UHRF2: variants seen among roughly 807,000 people sequenced by gnomAD.
UHRF2 encodes E3 ubiquitin-protein ligase UHRF2.
A neutral mutation model predicts 96.8 loss-of-function variants in UHRF2; 23 were observed. The observed-to-expected ratio is 0.24, with a 90% CI of 0.17 to 0.34. The LOEUF (loss-of-function observed/expected upper bound fraction) is 0.34. UHRF2 is among the 10% of genes least tolerant of loss of function. UHRF2 has a pLI of 1.00. For missense variants in UHRF2, 685 were observed against 981.5 expected, an observed-to-expected ratio of 0.70 and a Z score of 4.04; for synonymous variants, 385 against 332.6, an observed-to-expected ratio of 1.16 and a Z score of -1.72.
At chr9:6,447,388 TCC>T in intron 3 of UHRF2, among the ~76,000 whole-genome samples, 1 of 152,160 alleles carries the variant, frequency 6.6e-6, no homozygotes, top group Non-Finnish European at 1.5e-5. Flanking sequence ...TGGTACTTGC[TCC>T]TCAGTGAAAA....
chr9:6,460,926 T>C (rs149672201), intron 4 of UHRF2, 135 bp downstream of exon 4: 20 of 655,192 alleles, frequency 3.1e-5, no homozygotes, highest in Non-Finnish European at 4.0e-5. Flanking sequence ...TGAAGGAGAA[T>C]ATTTTTATAA....
In UHRF2 at chr9:6,448,760, G is replaced by T. The variant is rs542609051; in HGVS notation, c.645-11813G>T. On this transcript the variant is annotated intron_variant, in intron 3 of 15. Coordinates refer to ENST00000276893, the MANE Select transcript of UHRF2 (RefSeq NM_152896.3). The stretch of plus-strand genomic sequence containing the variant: ...AGTTTTCGCCTCTTGAGTAACAGGA[G>T]TTAAGAATGTGGTAGGTTGTGGCAG... 2.0e-4 allele frequency among the ~76,000 whole-genome samples: 31 copies of T among 152,334 alleles called. 1 individual carries two copies. In the South Asian group the frequency reaches 5.8e-3, roughly 28 times the overall value.
chr9:6,428,533 C>CTTTTTTTTTTTTTTTTTTTTTT (rs1171172143), intron 2 of UHRF2, among the ~76,000 whole-genome samples: 6 of 65,358 alleles, frequency 9.2e-5, no homozygotes, highest in South Asian at 6.9e-4. Flanking sequence ...ATTGCTTTTG[C>CTTTTTTTTTTTTTTTTTTTTTT]TTTTTTTTTT....
intron 2 of UHRF2, among the ~76,000 whole-genome samples, chr9:6,429,445 T>C (rs576894551): frequency 9.8e-5 from 15 of 152,290 alleles, no homozygotes; most frequent in Admixed American, 2.6e-4. Flanking sequence ...GACAGAGTCT[T>C]GCACTGTCAT....
intron 4 of UHRF2, among the ~76,000 whole-genome samples, chr9:6,465,304 G>C (rs1188913705): frequency 6.6e-6 from 1 of 152,118 alleles, no homozygotes; most frequent in East Asian, 1.9e-4. Flanking sequence ...TCCTATCTCA[G>C]TGTCCTTCAC....
At chr9:6,445,612 C>A (rs1443218433) in intron 3 of UHRF2, among the ~76,000 whole-genome samples, 4 of 152,172 alleles carry the variant, frequency 2.6e-5, no homozygotes, top group East Asian at 1.9e-4. Flanking sequence ...GGTTGGAGTG[C>A]AGTGGCACAA....
chr9:6,460,034 C>T (rs1822433532), intron 3 of UHRF2, among the ~76,000 whole-genome samples: 1 of 152,174 alleles, frequency 6.6e-6, no homozygotes, highest in Admixed American at 6.5e-5. Flanking sequence ...TTTTATCACC[C>T]TCCCCAGTCC....
At chr9:6,446,845 A>G (rs1014479362) in intron 3 of UHRF2, among the ~76,000 whole-genome samples, 1 of 151,802 alleles carries the variant, frequency 6.6e-6, no homozygotes, top group African/African-American at 2.4e-5. Flanking sequence ...ACTCTGTCTC[A>G]AAAAATAAAT....
chr9:6,420,091 C>T (rs1175009624), intron 1 of UHRF2, among the ~76,000 whole-genome samples: 1 of 151,336 alleles, frequency 6.6e-6, no homozygotes, highest in East Asian at 2.0e-4. Context: ...CAGTCTCCCT[C>T]TGTTGCCCAG....
intron 3 of UHRF2, among the ~76,000 whole-genome samples, chr9:6,435,139 G>A (rs551823332): frequency 1.2e-4 from 19 of 152,018 alleles, no homozygotes; most frequent in South Asian, 4.2e-4. Context: ...CATTAGAGGC[G>A]CGCACCACCA....
chr9:6,456,851 G>A (rs1822209434), intron 3 of UHRF2, among the ~76,000 whole-genome samples: 1 of 152,118 alleles, frequency 6.6e-6, no homozygotes, highest in African/African-American at 2.4e-5. Context: ...GAAGATGTGT[G>A]GCGTTATTTC....
intron 4 of UHRF2, among the ~76,000 whole-genome samples, chr9:6,462,477 A>G (rs1461249731): frequency 6.6e-6 from 1 of 152,220 alleles, no homozygotes; most frequent in Non-Finnish European, 1.5e-5. Flanking sequence ...CCTGATATGG[A>G]TGCAAATCAT....
At chr9:6,482,234 G>A (rs1374800877) in intron 8 of UHRF2, 135 bp downstream of exon 8, 2 of 733,004 alleles carry the variant, frequency 2.7e-6, no homozygotes, top group Non-Finnish European at 4.6e-6. Context: ...TTTAGGATGG[G>A]TGTACTCTTC....
At chr9:6,463,558 C>A (rs1259969768) in intron 4 of UHRF2, among the ~76,000 whole-genome samples, 1 of 151,854 alleles carries the variant, frequency 6.6e-6, no homozygotes, top group Non-Finnish European at 1.5e-5. Context: ...GCAACCTCCG[C>A]CTCCTGGATT....
intron 3 of UHRF2, among the ~76,000 whole-genome samples, chr9:6,443,163 G>C (rs545583500): frequency 6.6e-4 from 101 of 152,240 alleles, no homozygotes; most frequent in African/African-American, 2.4e-3. Flanking sequence ...GCTACCTTTG[G>C]CTAGGCAAGT....
chr9:6,496,625 G>A (rs563016875), intron 10 of UHRF2: 31 of 152,296 alleles, frequency 2.0e-4, no homozygotes, highest in African/African-American at 7.2e-4. Context: ...CAGGCTTATT[G>A]AAATTTATCT....
At chr9:6,446,380 T>A (rs1174438343) in intron 3 of UHRF2, among the ~76,000 whole-genome samples, 1 of 151,590 alleles carries the variant, frequency 6.6e-6, no homozygotes, top group African/African-American at 2.4e-5. Context: ...TGGCCTCAAG[T>A]GATCCACCTG....
At chr9:6,454,961 T>G (rs1052984539) in intron 3 of UHRF2, among the ~76,000 whole-genome samples, 13 of 152,178 alleles carry the variant, frequency 8.5e-5, no homozygotes, top group African/African-American at 2.9e-4. Context: ...CCCAAGAATT[T>G]GGATTTCCAG....
intron 3 of UHRF2, among the ~76,000 whole-genome samples, chr9:6,454,594 G>T (rs1822070779): frequency 6.6e-6 from 1 of 152,080 alleles, no homozygotes; most frequent in Non-Finnish European, 1.5e-5. Flanking sequence ...TCCCACACAG[G>T]ATTAATATCT....
Sources: gnomAD v4.1 joint callset for allele counts (sites outside exome capture counted in the v4.1 genomes callset) on GRCh38, gnomAD v4.1.1 for gene constraint, MANE v1.5 for transcripts, NCBI Gene and HGNC (gene_info 2026-07-23, HGNC 2026-07-21) for gene names.